The following RAB8A variants were observed in gnomAD, a reference collection of about 807,000 sequenced individuals.
RAB8A encodes RAB8A, member RAS oncogene family.
In RAB8A, 5 loss-of-function variants were observed where a neutral mutation model predicts 29.2. The ratio of observed to expected loss-of-function variants is 0.17; its 90% confidence interval spans 0.09 to 0.36. RAB8A has a LOEUF of 0.36. Ranked by LOEUF, RAB8A falls within the 10% of genes least tolerant of loss-of-function variation. The pLI is 1.00. For missense variants in RAB8A, 171 were observed against 272.2 expected (o/e 0.63, Z 2.62); for synonymous variants, 108 against 99.9 (o/e 1.08, Z -0.49).
intron 1 of RAB8A, among the ~76,000 whole-genome samples, chr19:16,115,334 G>C (rs1305207124): frequency 2.6e-5 from 4 of 152,058 alleles, no homozygotes; most frequent in Non-Finnish European, 2.9e-5. Context: ...GTACCTCTGG[G>C]TTTTCTTTAT....
intron 1 of RAB8A, among the ~76,000 whole-genome samples, chr19:16,115,228 C>T (rs1477791295): frequency 6.6e-6 from 1 of 151,858 alleles, no homozygotes; most frequent in African/African-American, 2.4e-5. Context: ...GCAGAGGTTG[C>T]AGTGAGCCAA....
rs945690356 is a variant in RAB8A, at chr19:16,118,356, T to C, written c.185+70T>C. The C allele has an allele frequency of 2.8e-6, 4 of 1,406,774 alleles. No individual in the cohort carries two copies. The African/African-American group carries it at 5.7e-5, about 20-fold the overall frequency. 87.1% of individuals were successfully genotyped at this position (1,406,774 alleles called of 1,614,324 possible). A position where few individuals can be genotyped will look rare whatever the true frequency, so the allele number is the denominator to read the frequency against. On this transcript the variant is annotated intron_variant, in intron 2 of 7. Coordinates refer to ENST00000300935, the MANE Select transcript of RAB8A (RefSeq NM_005370.5). Reference sequence around the variant, plus strand: ...TTCAAGCCAGAAGCCCTTGGCCTTCTCCCTCCACCGTCCCTGTGACCTTGG... The same window carrying C: ...TTCAAGCCAGAAGCCCTTGGCCTTCCCCCTCCACCGTCCCTGTGACCTTGG...
At position 16,125,009 on chromosome 19, in the gene RAB8A, T is replaced by TAC; in HGVS notation, c.247-461_247-460insAC. 5.6e-6 allele frequency: 1 copy of TAC among 179,682 alleles called. No individual in the cohort carries two copies. Among genetic ancestry groups the TAC allele is most frequent in the Non-Finnish European group, 1.2e-5 (1 of 84,100 alleles). 11.1% of individuals were successfully genotyped at this position (179,682 alleles called of 1,614,324 possible). On this transcript the variant is annotated intron_variant, in intron 3 of 7. Transcript: ENST00000300935. This position sits in a 1 kb window ranked among gnomAD's most constrained non-coding sequence, Gnocchi z 5.0. ...GATGTCGGGTCAGGACTTCCTGGGC[T>TAC]CAGTTGTGCCTGGTAGGTGGCTCAG...
rs768885956 is a variant in RAB8A at position 16,112,039 on chromosome 19, G to A, written c.124+14G>A. 1.1e-5 allele frequency: 17 copies of A among 1,613,212 alleles called. No individual in the cohort carries two copies. The highest frequency in any genetic ancestry group is 1.3e-5 in the African/African-American group (1 of 74,938). On this transcript the variant is annotated intron_variant, in intron 1 of 7. Coordinates refer to ENST00000300935, the MANE Select transcript of RAB8A (RefSeq NM_005370.5). ...TCTCCACCATAGGTAACGGGACCGG[G>A]GAATGGCTGGGGGCGCCGGAGGCCC...
chr19:16,120,233 C>T (rs1007268020), intron 2 of RAB8A, among the ~76,000 whole-genome samples: 1 of 151,974 alleles, frequency 6.6e-6, no homozygotes, highest in Admixed American at 6.6e-5. Context: ...CCAGCAGGGC[C>T]GTGGGAGGAA....
intron 2 of RAB8A, among the ~76,000 whole-genome samples, chr19:16,119,755 A>G (rs994477467): frequency 6.6e-6 from 1 of 151,842 alleles, no homozygotes; most frequent in Non-Finnish European, 1.5e-5. Flanking sequence ...TGGTGAGGTT[A>G]GTGACTCAAA....
At chr19:16,118,781 C>G (rs939780925) in intron 2 of RAB8A, among the ~76,000 whole-genome samples, 3 of 152,208 alleles carry the variant, frequency 2.0e-5, no homozygotes, top group Non-Finnish European at 4.4e-5. Flanking sequence ...AACCCCAAAC[C>G]GAAATTAAGC....
intron 1 of RAB8A, 130 bp from the exon 2 acceptor site, chr19:16,118,096 C>A: frequency 4.3e-6 from 3 of 699,858 alleles, no homozygotes; most frequent in Non-Finnish European, 7.4e-6. Context: ...CGACATCCTG[C>A]ATGCCCAGCA....
At chr19:16,126,256 T>G (rs1480515951) in intron 4 of RAB8A, 1 of 158,718 alleles carries the variant, frequency 6.3e-6, no homozygotes, top group Non-Finnish European at 1.4e-5. Flanking sequence ...ACCCCATCAT[T>G]TGTGAGTCAT....
chr19:16,118,485 C>G (rs1454825746), intron 2 of RAB8A, among the ~76,000 whole-genome samples, 199 bp downstream of exon 2: 4 of 152,156 alleles, frequency 2.6e-5, no homozygotes. Context: ...CTGCAGGGCA[C>G]CAGGGCCTAC....
At chr19:16,120,635 G>C (rs1441758245) in intron 2 of RAB8A, among the ~76,000 whole-genome samples, 1 of 138,288 alleles carries the variant, frequency 7.2e-6, no homozygotes, top group Non-Finnish European at 1.6e-5. Flanking sequence ...TCCTGAGACA[G>C]AGTCTTACTC....
intron 6 of RAB8A, among the ~76,000 whole-genome samples, chr19:16,129,295 A>C (rs2090915187): frequency 6.6e-6 from 1 of 152,202 alleles, no homozygotes; most frequent in South Asian, 2.1e-4. Context: ...GCACATGCGT[A>C]AAGTCCCGTC....
intron 7 of RAB8A, among the ~76,000 whole-genome samples, chr19:16,131,433 ATTGGT>A (rs926029131): frequency 1.1e-4 from 17 of 151,202 alleles, no homozygotes; most frequent in African/African-American, 4.1e-4. Context: ...TAGATAGATG[ATTGGT>A]TTGTTGGTTG....
At position 16,132,410 on chromosome 19, in the gene RAB8A, G is replaced by A. The variant is rs575263000; in HGVS notation, c.*106G>A. 1.7e-5 allele frequency: 19 copies of A among 1,104,822 alleles called. No homozygotes were observed. The highest frequency in any genetic ancestry group is 6.3e-5 in the African/African-American group (4 of 63,186). The allele number at this position is 1,104,822 out of a possible 1,614,324, so 68.4% of individuals were successfully genotyped here. A position where few individuals can be genotyped will look rare whatever the true frequency, so the allele number is the denominator to read the frequency against. ...CTCCCACCTCCAACGCCCCGCCCAC[G>A]CCGCGGCCACCGGGCCCACGGCCAC... On this transcript the variant is annotated 3_prime_UTR_variant, in exon 8 of 8. Coordinates refer to ENST00000300935, the MANE Select transcript of RAB8A (RefSeq NM_005370.5). This position sits in a 1 kb window ranked among gnomAD's most constrained non-coding sequence, Gnocchi z 5.6.
chr19:16,112,253 C>T (rs1055352065), intron 1 of RAB8A: 7 of 564,416 alleles, frequency 1.2e-5, no homozygotes, highest in African/African-American at 1.9e-5. Flanking sequence ...AGGCTCCGAC[C>T]CTCAGCCCGC....
chr19:16,122,572 C>G lies in RAB8A; in HGVS notation c.246+762C>G, dbSNP rs1401695736. 6.6e-6 allele frequency among the ~76,000 whole-genome samples: 1 copy of G among 152,210 alleles called. No individual in the cohort carries two copies. Among genetic ancestry groups the G allele is most frequent in the Admixed American group, 6.5e-5 (1 of 15,282 alleles). ...TTCCCAGGTCCCTCTGCTCCCCACT[C>G]TTTCCTCCGCATACCCCATCATTTA... On this transcript the variant is annotated intron_variant, in intron 3 of 7. Transcript: ENST00000300935. This position sits in a 1 kb window ranked among gnomAD's most constrained non-coding sequence, Gnocchi z 4.7.
At chr19:16,118,518 C>T (rs955279271) in intron 2 of RAB8A, among the ~76,000 whole-genome samples, 1 of 152,198 alleles carries the variant, frequency 6.6e-6, no homozygotes, top group African/African-American at 2.4e-5. Flanking sequence ...ACAAAGCTGC[C>T]CAGCCCTGGC....
intron 3 of RAB8A, chr19:16,123,696 C>G (rs2090884797): frequency 6.6e-6 from 1 of 152,118 alleles, no homozygotes; most frequent in South Asian, 2.1e-4. Flanking sequence ...GCCCTAGAGC[C>G]TTGTGTAGCC....
chr19:16,124,709 T>A (rs1251699634), intron 3 of RAB8A: 6 of 120,810 alleles, frequency 5.0e-5, no homozygotes, highest in Non-Finnish European at 7.3e-5. Context: ...CTTTTGGAGT[T>A]AGCCCCCCCC....
Sources: allele counts gnomAD v4.1 joint callset (sites outside exome capture counted in the v4.1 genomes callset), GRCh38; gene constraint gnomAD v4.1.1; non-coding constraint Gnocchi (gnomAD v3.1); transcripts MANE v1.5; gene names NCBI Gene and HGNC (gene_info 2026-07-23, HGNC 2026-07-21).